The following ZSWIM6 variants were observed in gnomAD, a reference collection of about 807,000 sequenced individuals.
The protein encoded by ZSWIM6 is zinc finger SWIM-type containing 6, also known as zinc finger SWIM domain-containing protein 6.
A neutral mutation model predicts 113.2 loss-of-function variants in ZSWIM6; 9 were observed. The observed-to-expected ratio is 0.08, with a 90% CI of 0.05 to 0.14. The LOEUF is 0.14. Among genes scored for constraint, ZSWIM6 ranks in the 10% least tolerant of loss-of-function variants. The pLI, the probability that ZSWIM6 is intolerant of heterozygous loss-of-function variation, is 1.00. For synonymous variants in ZSWIM6, 611 were observed against 606.5 expected (o/e 1.01, Z -0.11); for missense variants, 1,162 against 1,552.2 (o/e 0.75, Z 4.22).
intron 1 of ZSWIM6, among the ~76,000 whole-genome samples, chr5:61,357,188 T>A (rs1459602290): frequency 6.6e-6 from 1 of 152,072 alleles, no homozygotes; most frequent in Non-Finnish European, 1.5e-5. Context: ...GTGGTCAGGG[T>A]CCACCCAGGA....
At chr5:61,354,353 C>T (rs1744854832) in intron 1 of ZSWIM6, among the ~76,000 whole-genome samples, 1 of 152,214 alleles carries the variant, frequency 6.6e-6, no homozygotes, top group African/African-American at 2.4e-5. Context: ...ATAGAAGTAC[C>T]ATGTAAAAAT....
intron 4 of ZSWIM6, among the ~76,000 whole-genome samples, chr5:61,500,935 G>A (rs2112229559): frequency 1.3e-5 from 2 of 152,246 alleles, no homozygotes; most frequent in South Asian, 4.1e-4. Context: ...ATATGGCTCT[G>A]TAGGCTCTGC....
At chr5:61,353,096 A>G (rs1282749127) in intron 1 of ZSWIM6, among the ~76,000 whole-genome samples, 1 of 152,044 alleles carries the variant, frequency 6.6e-6, no homozygotes, top group Non-Finnish European at 1.5e-5. Flanking sequence ...TGCTTCCTCA[A>G]GTTAACATAA....
chr5:61,542,765 T>TA (rs1749776158), intron 13 of ZSWIM6, among the ~76,000 whole-genome samples: 1 of 152,176 alleles, frequency 6.6e-6, no homozygotes, highest in African/African-American at 2.4e-5. Context: ...ACAAAAATAA[T>TA]ACTAATTTAA....
chr5:61,507,371 A>G (rs749318076), intron 4 of ZSWIM6, among the ~76,000 whole-genome samples: 52 of 152,324 alleles, frequency 3.4e-4, no homozygotes, highest in Non-Finnish European at 5.9e-4. Context: ...GTTGGGGGGT[A>G]GCAGTGAACA....
At position 61,337,807 on chromosome 5, in the gene ZSWIM6, T is replaced by C. The variant is rs547007510; in HGVS notation, c.676+4859T>C. 3.3e-5 allele frequency among the ~76,000 whole-genome samples: 5 copies of C among 152,308 alleles called. No individual in the cohort carries two copies. In the South Asian group the frequency reaches 1.0e-3, roughly 32 times the overall value. On this transcript the variant is annotated intron_variant, in intron 1 of 13. Coordinates refer to ENST00000252744, the MANE Select transcript of ZSWIM6 (RefSeq NM_020928.2). Reference sequence around the variant, plus strand: ...GTATTTTTCGAGAAAAGCAGTTAAGTGAATGGTCAAGGTTTTTGGGGGGGA... The same window carrying C: ...GTATTTTTCGAGAAAAGCAGTTAAGCGAATGGTCAAGGTTTTTGGGGGGGA...
At chr5:61,388,166 A>G (rs1452640738) in intron 1 of ZSWIM6, among the ~76,000 whole-genome samples, 1 of 151,812 alleles carries the variant, frequency 6.6e-6, no homozygotes, top group Non-Finnish European at 1.5e-5. Flanking sequence ...TATTTTTAGT[A>G]AAGATGGGGT....
intron 1 of ZSWIM6, among the ~76,000 whole-genome samples, chr5:61,436,372 T>A (rs1335817148): frequency 6.6e-6 from 1 of 152,188 alleles, no homozygotes. Context: ...TAACTTAGTT[T>A]TTCCTCCTGG....
chr5:61,530,304 C>A, intron 8 of ZSWIM6, 106 bp downstream of exon 8: 1 of 1,189,566 alleles, frequency 8.4e-7, no homozygotes, highest in Non-Finnish European at 1.1e-6. Context: ...ATGTAGTTAA[C>A]AGCACCTTTG....
Position 61,500,123 on chromosome 5 carries a change from T to TATTATTATTATTATC in ZSWIM6, c.1333+5718_1333+5719insTATTATTATCATTAT, listed in dbSNP as rs759112655. On this transcript the variant is annotated intron_variant, in intron 4 of 13. Coordinates refer to ENST00000252744, the MANE Select transcript of ZSWIM6 (RefSeq NM_020928.2). ...GCTTTATTATTATTATTATTATTAT[T>TATTATTATTATTATC]ATTATCATTATCATTATTATTTTGA... is the stretch of plus-strand genomic sequence containing the variant. 5.4e-5 allele frequency among the ~76,000 whole-genome samples: 8 copies of TATTATTATTATTATC among 147,924 alleles called. No individual in the cohort carries two copies. In the East Asian group the frequency reaches 1.4e-3, roughly 25 times the overall value.
At chr5:61,411,962 A>G (rs1021111587) in intron 1 of ZSWIM6, among the ~76,000 whole-genome samples, 1 of 152,238 alleles carries the variant, frequency 6.6e-6, no homozygotes. Flanking sequence ...AAATTAATCA[A>G]AGACATTATA....
chr5:61,443,072 T>C (rs945838617), intron 1 of ZSWIM6, among the ~76,000 whole-genome samples: 3 of 152,206 alleles, frequency 2.0e-5, no homozygotes, highest in Non-Finnish European at 4.4e-5. Flanking sequence ...AAGATTTCTC[T>C]CTAGTCCAAT....
intron 9 of ZSWIM6, among the ~76,000 whole-genome samples, chr5:61,532,335 G>C (rs1749459944): frequency 6.6e-6 from 1 of 152,078 alleles, no homozygotes. Flanking sequence ...AGTTTTAAAG[G>C]GCCTAACAAA....
chr5:61,472,703 G>C lies in ZSWIM6; in HGVS notation c.699G>C (p.Val233=), dbSNP rs976435072. The change falls in exon 2 of 14, where the codon GTG becomes GTC. Residue 233 remains valine (V), a synonymous_variant. Coordinates refer to ENST00000252744, the MANE Select transcript of ZSWIM6 (RefSeq NM_020928.2). The surrounding 1 kb of genome is among the most constrained non-coding windows in gnomAD (Gnocchi z 4.1). ...AAGGTTTCCACTTGAGCGGCACAGT[G>C]ACAGAACCTGCAATACAATCGGAGC... ...LQVGFHLSGT[V]TEPAIQSEPE... is the part of the protein sequence containing the mutation. 1 of 1,540,052 alleles carries C rather than the reference G, an allele frequency of 6.5e-7. No individual in the cohort carries two copies. Among genetic ancestry groups the C allele is most frequent in the Admixed American group, 2.0e-5 (1 of 50,460 alleles).
chr5:61,392,398 T>C (rs1016646723), intron 1 of ZSWIM6, among the ~76,000 whole-genome samples: 12 of 152,196 alleles, frequency 7.9e-5, no homozygotes, highest in East Asian at 1.9e-4. Flanking sequence ...TATATGAAAA[T>C]CTATCTTTCT....
chr5:61,516,170 T>C (rs1580055918), intron 4 of ZSWIM6, among the ~76,000 whole-genome samples: 1 of 151,726 alleles, frequency 6.6e-6, no homozygotes, highest in Admixed American at 6.6e-5. Context: ...TAATTATTGA[T>C]GTGGTTGTTG....
At chr5:61,519,938 T>C (rs1320723073) in intron 4 of ZSWIM6, among the ~76,000 whole-genome samples, 1 of 152,132 alleles carries the variant, frequency 6.6e-6, no homozygotes, top group Non-Finnish European at 1.5e-5. Context: ...CACAATAGTA[T>C]TTGTGTTCCT....
intron 1 of ZSWIM6, among the ~76,000 whole-genome samples, chr5:61,342,724 G>A (rs917494645): frequency 2.0e-5 from 3 of 151,984 alleles, no homozygotes; most frequent in African/African-American, 7.3e-5. Context: ...AAATCATAAG[G>A]ATATTTACAC....
At chr5:61,368,562 T>C (rs1745205760) in intron 1 of ZSWIM6, among the ~76,000 whole-genome samples, 1 of 152,240 alleles carries the variant, frequency 6.6e-6, no homozygotes, top group African/African-American at 2.4e-5. Flanking sequence ...AAATAAATTC[T>C]TTTAAAATAA....
Sources: allele counts gnomAD v4.1 joint callset (sites outside exome capture counted in the v4.1 genomes callset), GRCh38; gene constraint gnomAD v4.1.1; non-coding constraint Gnocchi (gnomAD v3.1); transcripts MANE v1.5; gene names NCBI Gene and HGNC (gene_info 2026-07-23, HGNC 2026-07-21).